Variants in FKBP11 observed in about 807,000 individuals in gnomAD.
FKBP11 encodes the protein FKBP prolyl isomerase 11, also known as peptidyl-prolyl cis-trans isomerase FKBP11.
Under a neutral mutation model 24.7 loss-of-function variants are expected in FKBP11, and 21 were observed. The observed-to-expected ratio is 0.85, with a 90% CI of 0.60 to 1.23. The LOEUF is 1.23. FKBP11 is among the 50% of genes most tolerant of loss of function. The pLI is 0.00. For synonymous variants in FKBP11, 106 were observed against 100.6 expected, an observed-to-expected ratio of 1.05 and a Z score of -0.32; for missense variants, 245 against 248.7, an observed-to-expected ratio of 0.99 and a Z score of 0.10.
intron 5 of FKBP11, chr12:48,922,402 A>AAC (rs1249362087): frequency 4.4e-6 from 3 of 680,386 alleles, no homozygotes; most frequent in Non-Finnish European, 6.6e-6. Flanking sequence ...TGTTGACCCC[A>AAC]ACTACACATG....
chr12:48,926,336 C>G (rs188604874), upstream of FKBP11: 1 of 140,956 alleles, frequency 7.1e-6, no homozygotes, highest in Non-Finnish European at 1.5e-5. Context: ...TCAAGCGATT[C>G]TCCTGCCTCA....
At chr12:48,938,101 G>C in the FKBP11 span, 1 of 306,732 alleles carries the variant, frequency 3.3e-6, no homozygotes, top group Non-Finnish European at 6.5e-6. Context: ...GAGTGAGTGG[G>C]TTCCTCTCTC....
At chr12:48,937,195 C>T in the FKBP11 span, 1 of 152,242 alleles carries the variant, frequency 6.6e-6, no homozygotes, top group Non-Finnish European at 1.5e-5. Flanking sequence ...AATATTGATC[C>T]ATCTGCTATC....
chr12:48,932,705 C>T, the FKBP11 span, among the ~76,000 whole-genome samples: 1 of 152,222 alleles, frequency 6.6e-6, no homozygotes, highest in Admixed American at 6.5e-5. Flanking sequence ...CCCTCCAAGC[C>T]TTAAAAGTCC....
At chr12:48,929,760 G>A (rs977889389), upstream of FKBP11, among the ~76,000 whole-genome samples, 5 of 152,132 alleles carry the variant, frequency 3.3e-5, no homozygotes, top group Non-Finnish European at 7.4e-5. Context: ...AAATGTTTGT[G>A]AATTGAGCCA....
rs1647736852 is a variant in FKBP11, at chr12:48,924,590, A to G, written c.254T>C (p.Ile85Thr). 1.2e-6 allele frequency: 2 copies of G among 1,614,074 alleles called. No individual in the cohort carries two copies. Among genetic ancestry groups the G allele is most frequent in the Non-Finnish European group, 1.7e-6 (2 of 1,179,986 alleles). Reference protein sequence around the residue: ...DTSLTRDPLVIELGQKQVIPG... With the variant: ...DTSLTRDPLVTELGQKQVIPG... Reference sequence around the variant, plus strand: ...AATCACCTGCTTTTGGCCAAGTTCTATAACCAGAGGGTCTCTGGTCAGGGA... The same window carrying G: ...AATCACCTGCTTTTGGCCAAGTTCTGTAACCAGAGGGTCTCTGGTCAGGGA... The change falls in exon 3 of 6, where the codon ATA becomes ACA. Residue 85 changes from isoleucine to threonine, a missense_variant. Ile to Thr is a moderately conservative substitution (Grantham distance 89). Coordinates refer to ENST00000550765, the MANE Select transcript of FKBP11 (RefSeq NM_016594.3).
rs1450064294 is a variant in FKBP11, at chr12:48,922,077, G to T, written c.513C>A (p.Leu171=). 6.2e-7 allele frequency: 1 copy of T among 1,614,150 alleles called. No homozygotes were observed. The highest frequency in any genetic ancestry group is 1.1e-5 in the South Asian group (1 of 91,084). ...GMAMVPALLG[L]IGYHLYRKAN... is the part of the protein sequence containing the mutation. ...CCTTTCTGTATAGGTGATACCCAAT[G>T]AGGCCCAGGAGGGCTGGCACCATGG... is the stretch of plus-strand genomic sequence containing the variant. The change falls in exon 6 of 6, where the codon CTC becomes CTA. Residue 171 remains leucine (L), a synonymous_variant. Transcript: ENST00000550765.
At position 48,924,617 on chromosome 12, in the gene FKBP11, G is replaced by T; in HGVS notation, c.227C>A (p.Thr76Asn). 6.2e-7 allele frequency: 1 copy of T among 1,614,104 alleles called. No homozygotes were observed. The highest frequency in any genetic ancestry group is 1.1e-5 in the South Asian group (1 of 91,074). ...GSLVDGRIID[T>N]SLTRDPLVIE... Reference sequence around the variant, plus strand: ...AACCAGAGGGTCTCTGGTCAGGGAGGTGTCAATAATACGTCCATCTACCAA... The same window carrying T: ...AACCAGAGGGTCTCTGGTCAGGGAGTTGTCAATAATACGTCCATCTACCAA... The change falls in exon 3 of 6, where the codon ACC becomes AAC. Residue 76 changes from threonine (T) to asparagine (N), a missense_variant. Coordinates refer to ENST00000550765, the MANE Select transcript of FKBP11 (RefSeq NM_016594.3).
At position 48,924,550 on chromosome 12, in the gene FKBP11, A is replaced by G. The variant is rs1304598140; in HGVS notation, c.283+11T>C. ...TGGGAAGAGGTGGAATGGGAGGCAC[A>G]GGTCACATACCTGGAATCACCTGCT... On this transcript the variant is annotated intron_variant, in intron 3 of 5. Coordinates refer to ENST00000550765, the MANE Select transcript of FKBP11 (RefSeq NM_016594.3). 2 of 1,611,292 alleles carry G rather than the reference A, an allele frequency of 1.2e-6. No homozygotes were observed. Among genetic ancestry groups the G allele is most frequent in the African/African-American group, 2.7e-5 (2 of 74,850 alleles).
chr12:48,925,450 C>T lies in FKBP11; in HGVS notation c.-22G>A. On this transcript the variant is annotated 5_prime_UTR_variant, in exon 1 of 6. Transcript: ENST00000550765. ...TCATGACTGGGCGCGGGGCAGGGAG[C>T]CGGGGCACCAGGACAGGCTGTTCGG... 13 of 1,547,926 alleles carry T rather than the reference C, an allele frequency of 8.4e-6. No homozygotes were observed. Among genetic ancestry groups the T allele is most frequent in the Non-Finnish European group, 1.1e-5 (13 of 1,148,008 alleles).
upstream of FKBP11, among the ~76,000 whole-genome samples, chr12:48,929,133 C>T (rs1940018017): frequency 6.6e-6 from 1 of 150,824 alleles, no homozygotes; most frequent in South Asian, 2.1e-4. Flanking sequence ...GGCCTTTAAA[C>T]TTCTATCTTG....
upstream of FKBP11, among the ~76,000 whole-genome samples, chr12:48,929,354 G>A (rs951533334): frequency 2.6e-5 from 4 of 152,038 alleles, no homozygotes; most frequent in Admixed American, 6.6e-5. Context: ...AGGCTAAGGT[G>A]GGAGGATCAC....
rs751342670 is a variant in FKBP11, at chr12:48,924,635, T to C, written c.209A>G (p.Asp70Gly). 5 of 1,613,862 alleles carry C rather than the reference T, an allele frequency of 3.1e-6. No homozygotes were observed. The highest frequency in any genetic ancestry group is 4.2e-6 in the Non-Finnish European group (5 of 1,179,928). ...CAGGGAGGTGTCAATAATACGTCCA[T>C]CTACCAAGCTTCCCTGGGGGGAGAG... ...LHIHYTGSLV[D>G]GRIIDTSLTR... The change falls in exon 3 of 6, where the codon GAT becomes GGT. Residue 70 changes from aspartate (D) to glycine (G), a missense_variant. Transcript: ENST00000550765.
chr12:48,933,603 A>G, the FKBP11 span, among the ~76,000 whole-genome samples: 1 of 151,734 alleles, frequency 6.6e-6, no homozygotes, highest in South Asian at 2.1e-4. Context: ...TCGGAGGCTG[A>G]GGCAGGAGAA....
chr12:48,922,662 A>G, intron 5 of FKBP11: 1 of 992,574 alleles, frequency 1.0e-6, no homozygotes, highest in Non-Finnish European at 1.2e-6. Context: ...TTTCAACATA[A>G]GAGCTGAAGA....
upstream of FKBP11, among the ~76,000 whole-genome samples, chr12:48,927,018 C>T (rs1198313262): frequency 6.6e-6 from 1 of 152,102 alleles, no homozygotes; most frequent in African/African-American, 2.4e-5. Flanking sequence ...CCATGTTGGC[C>T]AGACTGCTCT....
intron 1 of FKBP11, 30 bp downstream of exon 1, chr12:48,925,270 G>T (rs775618336): frequency 1.9e-6 from 3 of 1,606,848 alleles, no homozygotes; most frequent in Non-Finnish European, 1.7e-6. Context: ...CTCGGCCCAC[G>T]GGGGCTGAGG....
the FKBP11 span, chr12:48,938,952 T>G: frequency 6.2e-7 from 1 of 1,611,922 alleles, no homozygotes; most frequent in Non-Finnish European, 8.5e-7. Context: ...GGCTTTCACT[T>G]CTTGTTTTTG....
chr12:48,936,277 T>C, the FKBP11 span: 6 of 152,504 alleles, frequency 3.9e-5, no homozygotes, highest in Non-Finnish European at 5.9e-5. Context: ...TGAGCAAGGA[T>C]AGAGAAGGTG....
Sources: allele counts gnomAD v4.1 joint callset (sites outside exome capture counted in the v4.1 genomes callset), GRCh38; gene constraint gnomAD v4.1.1; transcripts MANE v1.5; gene names NCBI Gene and HGNC (gene_info 2026-07-23, HGNC 2026-07-21).